Variants in UNC13C observed in about 807,000 individuals in gnomAD.
UNC13C encodes protein unc-13 homolog C.
In UNC13C, 174 loss-of-function variants were observed where a neutral mutation model predicts 245.4. The ratio of observed to expected loss-of-function variants is 0.71; its 90% confidence interval spans 0.63 to 0.80. The LOEUF (loss-of-function observed/expected upper bound fraction) is 0.80. Ranked by LOEUF, UNC13C falls within the 30% of genes least tolerant of loss-of-function variation. The pLI, the probability that UNC13C is intolerant of heterozygous loss-of-function variation, is 0.00. For missense variants in UNC13C, 2,829 were observed against 2,602.9 expected (o/e 1.09, Z -1.89); for synonymous variants, 992 against 895.1 (o/e 1.11, Z -1.93).
intron 18 of UNC13C, among the ~76,000 whole-genome samples, chr15:54,399,331 C>T (rs774360476): frequency 2.6e-5 from 4 of 151,518 alleles, no homozygotes; most frequent in East Asian, 1.9e-4. Flanking sequence ...AGGTTGATAT[C>T]GATTAAATAC....
chr15:54,555,805 T>C (rs1194991563), intron 29 of UNC13C, among the ~76,000 whole-genome samples: 2 of 152,098 alleles, frequency 1.3e-5, no homozygotes, highest in Non-Finnish European at 2.9e-5. Context: ...AAAGCATAAG[T>C]GAAACCTATG....
intron 4 of UNC13C, among the ~76,000 whole-genome samples, chr15:54,177,187 A>G (rs941080258): frequency 6.6e-6 from 1 of 152,138 alleles, no homozygotes; most frequent in Non-Finnish European, 1.5e-5. Context: ...GTAGCAGGTA[A>G]CACACTTAAA....
chr15:54,180,406 G>A (rs1238319799), intron 4 of UNC13C, among the ~76,000 whole-genome samples: 2 of 152,012 alleles, frequency 1.3e-5, no homozygotes, highest in Non-Finnish European at 2.9e-5. Flanking sequence ...ATCCACCGTG[G>A]ATGGGCACCT....
At chr15:54,224,271 G>A (rs1293047023) in intron 4 of UNC13C, among the ~76,000 whole-genome samples, 1 of 152,064 alleles carries the variant, frequency 6.6e-6, no homozygotes, top group South Asian at 2.1e-4. Context: ...CTGTGTGTCT[G>A]TTGTATTTTT....
At chr15:54,500,803 G>A (rs765618510) in intron 21 of UNC13C, 32 bp from the exon 22 acceptor site, 1 of 1,608,344 alleles carries the variant, frequency 6.2e-7, no homozygotes. Context: ...CTAATGTACT[G>A]TTTGGGATGG....
intron 4 of UNC13C, among the ~76,000 whole-genome samples, chr15:54,169,864 C>A (rs1477047611): frequency 6.6e-6 from 1 of 152,136 alleles, no homozygotes; most frequent in East Asian, 1.9e-4. Flanking sequence ...CTCAGAGCAG[C>A]TGGTTCTTTT....
At chr15:54,448,680 G>A (rs1162211831) in intron 19 of UNC13C, among the ~76,000 whole-genome samples, 1 of 152,160 alleles carries the variant, frequency 6.6e-6, no homozygotes, top group East Asian at 1.9e-4. Flanking sequence ...CTGCACGTGT[G>A]ATGGGTTTCC....
chr15:54,247,634 G>T (rs2036029555), intron 7 of UNC13C, among the ~76,000 whole-genome samples: 1 of 152,020 alleles, frequency 6.6e-6, no homozygotes, highest in Non-Finnish European at 1.5e-5. Flanking sequence ...TATTAAAGGG[G>T]ATATATACCC....
chr15:54,212,210 A>T (rs1188660639), intron 4 of UNC13C, among the ~76,000 whole-genome samples: 1 of 152,112 alleles, frequency 6.6e-6, no homozygotes, highest in East Asian at 1.9e-4. Context: ...AATGGTAAGT[A>T]GCTAAGCTTT....
intron 2 of UNC13C, among the ~76,000 whole-genome samples, chr15:54,018,524 T>A (rs1474411329): frequency 6.6e-6 from 1 of 152,156 alleles, no homozygotes; most frequent in Non-Finnish European, 1.5e-5. Flanking sequence ...AGCATTCCAG[T>A]AGGAAGAGAC....
At chr15:54,629,302 AAAGAT>A (rs979875139), downstream of UNC13C, 1 of 152,120 alleles carries the variant, frequency 6.6e-6, no homozygotes, top group Non-Finnish European at 1.5e-5. Context: ...GGAGGAGGGA[AAAGAT>A]AAGAAAAAGT....
intron 2 of UNC13C, among the ~76,000 whole-genome samples, chr15:54,106,686 A>G (rs1900464726): frequency 6.6e-6 from 1 of 152,082 alleles, no homozygotes; most frequent in African/African-American, 2.4e-5. Flanking sequence ...TTCCTCAGTC[A>G]TTCTATCCTT....
intron 10 of UNC13C, among the ~76,000 whole-genome samples, chr15:54,269,526 G>A (rs1317031640): frequency 6.6e-6 from 1 of 152,028 alleles, no homozygotes; most frequent in African/African-American, 2.4e-5. Flanking sequence ...CCTTCAAAGG[G>A]TCCTCCTTGA....
intron 2 of UNC13C, among the ~76,000 whole-genome samples, chr15:54,121,752 T>C (rs962604816): frequency 1.1e-4 from 16 of 152,080 alleles, no homozygotes; most frequent in African/African-American, 3.9e-4. Context: ...AGACTGTATC[T>C]TTATATACTA....
chr15:53,882,127 C>G, the UNC13C span, among the ~76,000 whole-genome samples: 29 of 152,240 alleles, frequency 1.9e-4, no homozygotes, highest in African/African-American at 6.7e-4. Flanking sequence ...TAGGAGAGTG[C>G]AGTTTAAGGT....
rs1009127900 is a variant in UNC13C at position 54,014,705 on chromosome 15, C to T, written c.1802C>T (p.Pro601Leu). ...GGAACAGCGACCCTGTATGACAGTC[C>T]CAAGGACCAGCATTTGAATGGAGGT... The part of the protein sequence containing the change: ...QEGTATLYDS[P>L]KDQHLNGGVQ... The change falls in exon 2 of 33, where the codon CCC becomes CTC. Residue 601 changes from proline (P) to leucine (L), a missense_variant. Pro to Leu is a moderately conservative substitution (Grantham distance 98). Coordinates refer to ENST00000260323, the MANE Select transcript of UNC13C (RefSeq NM_001080534.3). The T allele has an allele frequency of 1.9e-6, 3 of 1,613,710 alleles. No individual in the cohort carries two copies. Among genetic ancestry groups the T allele is most frequent in the Non-Finnish European group, 2.5e-6 (3 of 1,179,830 alleles).
At chr15:53,858,158 G>T in the UNC13C span, among the ~76,000 whole-genome samples, 5 of 152,058 alleles carry the variant, frequency 3.3e-5, no homozygotes, top group African/African-American at 1.2e-4. Context: ...AATTTTGGTG[G>T]CTAGATAAGG....
At chr15:54,548,596 T>G (rs1896599027) in intron 27 of UNC13C, among the ~76,000 whole-genome samples, 3 of 152,174 alleles carry the variant, frequency 2.0e-5, no homozygotes. Context: ...TTGCAAGGGC[T>G]TGGACTGTTC....
chr15:54,526,759 A>G (rs61283136), intron 25 of UNC13C, among the ~76,000 whole-genome samples: 11,960 of 147,562 alleles, frequency 0.081, 1,361 homozygotes, highest in African/African-American at 0.25. Context: ...AAAAAAAAAA[A>G]AAAAAGATTG....
Sources: allele counts gnomAD v4.1 joint callset (sites outside exome capture counted in the v4.1 genomes callset), GRCh38; gene constraint gnomAD v4.1.1; transcripts MANE v1.5; gene names NCBI Gene and HGNC (gene_info 2026-07-23, HGNC 2026-07-21).